The following SAMMSON variants were observed in gnomAD, a reference collection of about 807,000 sequenced individuals.
SAMMSON encodes the protein survival associated mitochondrial melanoma specific oncogenic non-coding RNA, also known as long intergenic non-protein coding RNA 1212.
At chr3:70,080,444 A>T (rs371478477) in intron 4 of SAMMSON, among the ~76,000 whole-genome samples, 1 of 152,324 alleles carries the variant, frequency 6.6e-6, no homozygotes, top group African/African-American at 2.4e-5. Context: ...AACAGCAATG[A>T]TTGAAACAGT....
At chr3:70,291,949 G>A (rs144611116) in intron 7 of SAMMSON, 1 of 152,268 alleles carries the variant, frequency 6.6e-6, no homozygotes, top group East Asian at 1.9e-4. Flanking sequence ...CAGTGGTCCT[G>A]CTTTATTTCT....
intron 9 of SAMMSON, among the ~76,000 whole-genome samples, chr3:70,362,440 A>G (rs576882429): frequency 1.3e-5 from 2 of 152,272 alleles, no homozygotes; most frequent in South Asian, 2.1e-4. Context: ...TTCTGCATGT[A>G]TAGAAAGTCT....
intron 1 of SAMMSON, among the ~76,000 whole-genome samples, chr3:70,010,041 G>A (rs1454980400): frequency 1.3e-5 from 2 of 151,864 alleles, no homozygotes; most frequent in East Asian, 3.9e-4. Flanking sequence ...CATTTGCTGA[G>A]GAGTGCTTTA....
At chr3:70,364,217 G>T (rs909337911) in intron 9 of SAMMSON, among the ~76,000 whole-genome samples, 5 of 151,448 alleles carry the variant, frequency 3.3e-5, no homozygotes, top group African/African-American at 1.2e-4. Context: ...CCAATTATCT[G>T]TTAGGAGAAG....
chr3:70,039,593 TCACACACACA>T (rs56058406), intron 3 of SAMMSON, among the ~76,000 whole-genome samples: 10,001 of 135,642 alleles, frequency 0.074, 414 homozygotes, highest in Middle Eastern at 0.11. Context: ...ACACATCTCT[TCACACACACA>T]CACACACACA....
At chr3:70,168,685 A>T (rs995812240) in intron 4 of SAMMSON, among the ~76,000 whole-genome samples, 1 of 151,912 alleles carries the variant, frequency 6.6e-6, no homozygotes, top group Non-Finnish European at 1.5e-5. Flanking sequence ...TTATGGCCCC[A>T]CTTGTCAACA....
intron 4 of SAMMSON, among the ~76,000 whole-genome samples, chr3:70,159,290 A>G (rs990739152): frequency 1.3e-5 from 2 of 151,822 alleles, no homozygotes; most frequent in Admixed American, 6.6e-5. Context: ...TGGTCATTTA[A>G]CATTAGGTAT....
chr3:70,425,639 T>A (rs766473343), intron 2 of SAMMSON, among the ~76,000 whole-genome samples: 5 of 151,942 alleles, frequency 3.3e-5, no homozygotes, highest in Non-Finnish European at 5.9e-5. Flanking sequence ...GGTCTCGATC[T>A]ACTGACCTCA....
At chr3:70,077,600 CAT>C (rs756322326) in intron 4 of SAMMSON, among the ~76,000 whole-genome samples, 13 of 152,176 alleles carry the variant, frequency 8.5e-5, no homozygotes, top group Admixed American at 2.0e-4. Context: ...ATATATGTAA[CAT>C]GTGTTTATAT....
chr3:70,048,370 A>G (rs1402232881), intron 3 of SAMMSON, among the ~76,000 whole-genome samples: 1 of 152,118 alleles, frequency 6.6e-6, no homozygotes, highest in African/African-American at 2.4e-5. Flanking sequence ...TGAGGTTAAT[A>G]GGACTTACCT....
chr3:70,433,606 G>C (rs1354814161), intron 2 of SAMMSON, among the ~76,000 whole-genome samples: 1 of 151,982 alleles, frequency 6.6e-6, no homozygotes. Context: ...TCTGTGCTTT[G>C]TCCTTTCATT....
intron 7 of SAMMSON, among the ~76,000 whole-genome samples, chr3:70,303,343 T>C (rs1014354002): frequency 2.6e-5 from 4 of 152,140 alleles, no homozygotes; most frequent in Admixed American, 2.0e-4. Context: ...GGAGTCAGAC[T>C]CATGGCCAAA....
In SAMMSON at chr3:70,125,693, C is replaced by T. The variant is rs909423929; in HGVS notation, n.507+54128C>T. 6.3e-5 allele frequency: 44 copies of T among 695,670 alleles called. 1 individual carries two copies. The South Asian group carries it at 6.5e-4, about 10-fold the overall frequency. The allele number at this position is 695,670 out of a possible 1,614,324, so 43.1% of individuals were successfully genotyped here. A position where few individuals can be genotyped will look rare whatever the true frequency, so the allele number is the denominator to read the frequency against. ...CCTACAGGTTGTGGTTGGTCAAATACATCCGAAGGTAACAGCACTAGATGT... is the reference window on the plus strand; with the variant it reads ...CCTACAGGTTGTGGTTGGTCAAATATATCCGAAGGTAACAGCACTAGATGT... On this transcript the variant is annotated intron_variant and non_coding_transcript_variant, in intron 4 of 9. Coordinates refer to ENST00000642114, the Ensembl canonical transcript of SAMMSON.
chr3:70,407,584 C>T (rs1017585695), intron 2 of SAMMSON, among the ~76,000 whole-genome samples: 5 of 152,252 alleles, frequency 3.3e-5, no homozygotes, highest in Non-Finnish European at 5.9e-5. Context: ...GACTCCATGT[C>T]TCACATCCAG....
At chr3:70,028,823 G>A (rs767580634) in intron 3 of SAMMSON, among the ~76,000 whole-genome samples, 4 of 152,182 alleles carry the variant, frequency 2.6e-5, no homozygotes, top group Non-Finnish European at 5.9e-5. Flanking sequence ...ACGCAGTGGA[G>A]TTTTCTCACC....
intron 2 of SAMMSON, among the ~76,000 whole-genome samples, chr3:70,433,729 C>T (rs969715844): frequency 6.6e-6 from 1 of 151,930 alleles, no homozygotes. Context: ...ATCAACAAAC[C>T]CAAGGTCACC....
intron 6 of SAMMSON, among the ~76,000 whole-genome samples, chr3:70,287,272 T>C (rs1348405765): frequency 7.0e-6 from 1 of 142,868 alleles, no homozygotes; most frequent in African/African-American, 2.7e-5. Flanking sequence ...CATGAAGGGT[T>C]GTTGAATTTT....
chr3:70,209,892 C>A (rs532329282), intron 4 of SAMMSON, among the ~76,000 whole-genome samples: 4 of 152,154 alleles, frequency 2.6e-5, no homozygotes, highest in African/African-American at 9.6e-5. Context: ...CTCAGGGAAT[C>A]CTTCTTGTTC....
At chr3:70,084,516 A>G (rs1013174229) in intron 4 of SAMMSON, among the ~76,000 whole-genome samples, 17 of 152,258 alleles carry the variant, frequency 1.1e-4, no homozygotes, top group African/African-American at 4.1e-4. Context: ...GTTGGAGAAG[A>G]CAATTTGTTT....
Sources: gnomAD v4.1 joint callset for allele counts (sites outside exome capture counted in the v4.1 genomes callset) on GRCh38, gnomAD v4.1.1 for gene constraint, MANE v1.5 for transcripts, NCBI Gene and HGNC (gene_info 2026-07-23, HGNC 2026-07-21) for gene names.